The following TUG1 variants were observed in gnomAD, a reference collection of about 807,000 sequenced individuals.
The protein encoded by TUG1 is taurine upregulated gene 1.
intron 2 of TUG1, chr22:30,974,481 G>A (rs2041267125): frequency 6.6e-6 from 1 of 152,058 alleles, no homozygotes; most frequent in South Asian, 2.1e-4. Context: ...CTGCTCTAGA[G>A]CAGTATAACC....
exon 2 of TUG1, chr22:30,973,428 C>G (rs1426856955): frequency 6.6e-6 from 1 of 152,174 alleles, no homozygotes; most frequent in East Asian, 1.9e-4. Context: ...GGGATCAAAT[C>G]AAAGGCACAG....
At chr22:30,977,823 C>T (rs781008751) in exon 3 of TUG1, 4 of 152,174 alleles carry the variant, frequency 2.6e-5, no homozygotes, top group Non-Finnish European at 4.4e-5. Context: ...ACACCTCACC[C>T]ACTAGGACTC....
At chr22:30,970,173 G>A (rs968783012) in exon 1 of TUG1, 1 of 152,164 alleles carries the variant, frequency 6.6e-6, no homozygotes, top group African/African-American at 2.4e-5. Flanking sequence ...GCGGTTTGGG[G>A]GAATGATGGG....
At chr22:30,972,372 A>G (rs2041240589) in intron 1 of TUG1, 1 of 152,246 alleles carries the variant, frequency 6.6e-6, no homozygotes, top group East Asian at 1.9e-4. Context: ...ATTTTCTCCT[A>G]CTTAAGATGG....
intron 2 of TUG1, chr22:30,974,742 T>C (rs2041269465): frequency 6.6e-6 from 1 of 152,202 alleles, no homozygotes; most frequent in Admixed American, 6.5e-5. Context: ...CATTTAGCAA[T>C]ATACTTCTGT....
At chr22:30,976,039 C>G (rs987785577) in exon 3 of TUG1, 3 of 146,652 alleles carry the variant, frequency 2.0e-5, no homozygotes, top group Non-Finnish European at 4.5e-5. Context: ...CTACTGTTTC[C>G]AAGATAAATG....
At chr22:30,970,894 CA>C (rs2041222386) in exon 1 of TUG1, 1 of 152,182 alleles carries the variant, frequency 6.6e-6, no homozygotes, top group Admixed American at 6.5e-5. Flanking sequence ...TGCGGAACCT[CA>C]AAATCAGTAG....
exon 3 of TUG1, chr22:30,978,832 C>T (rs1457937601): frequency 6.6e-6 from 1 of 152,110 alleles, no homozygotes; most frequent in Non-Finnish European, 1.5e-5. Context: ...CAATAAATAC[C>T]CTTTTTTGCT....
chr22:30,972,804 T>G (rs1569211605), intron 1 of TUG1, 51 bp from the exon 2 acceptor site: 1 of 153,416 alleles, frequency 6.5e-6, no homozygotes, highest in Non-Finnish European at 1.5e-5. Flanking sequence ...GTCCTGTGTT[T>G]GTAATTCCAT....
intron 1 of TUG1, chr22:30,972,480 G>A (rs144537110): frequency 2.1e-4 from 32 of 152,250 alleles, no homozygotes; most frequent in African/African-American, 7.5e-4. Flanking sequence ...TGTCTCCTTT[G>A]TTTTATTGTT....
At chr22:30,976,034 G>C (rs1281608700) in exon 3 of TUG1, 1 of 141,602 alleles carries the variant, frequency 7.1e-6, no homozygotes, top group East Asian at 2.1e-4. Flanking sequence ...TTTAACTACT[G>C]TTTCCAAGAT....
exon 1 of TUG1, chr22:30,971,359 CTG>C (rs1204752605): frequency 3.3e-5 from 5 of 152,286 alleles, no homozygotes; most frequent in Admixed American, 2.6e-4. Flanking sequence ...AGACTTAAGA[CTG>C]TGGTGATAAG....
chr22:30,974,609 A>G (rs2041268469), intron 2 of TUG1: 1 of 152,156 alleles, frequency 6.6e-6, no homozygotes, highest in Non-Finnish European at 1.5e-5. Context: ...CTGTCATCTG[A>G]GAGTCTTGCA....
chr22:30,969,837 G>A (rs943052783), exon 1 of TUG1: 4 of 152,304 alleles, frequency 2.6e-5, no homozygotes, highest in African/African-American at 9.6e-5. Context: ...GGGAGCTCTG[G>A]CGGCAGCCCC....
At chr22:30,975,694 A>G (rs2041280655) in exon 3 of TUG1, 1 of 152,106 alleles carries the variant, frequency 6.6e-6, no homozygotes, top group African/African-American at 2.4e-5. Flanking sequence ...ACACTGACAG[A>G]CTCCCTTAAG....
chr22:30,976,480 G>A (rs745447319), exon 3 of TUG1: 14 of 152,082 alleles, frequency 9.2e-5, no homozygotes, highest in Admixed American at 2.0e-4. Context: ...GGATTTTATC[G>A]GTAGACTTAA....
rs1306055455 is a variant in TUG1 at position 30,977,910 on chromosome 22, G to GT, written c.*5436dup. The GT allele has an allele frequency of 2.6e-5, 4 of 152,164 alleles. No homozygotes were observed. In the East Asian group the frequency reaches 7.7e-4, roughly 29 times the overall value. 9.4% of individuals were successfully genotyped at this position (152,164 alleles called of 1,614,324 possible). A position where few individuals can be genotyped will look rare whatever the true frequency, so the allele number is the denominator to read the frequency against. On this transcript the variant is annotated 3_prime_UTR_variant, in exon 3 of 3. Coordinates refer to ENST00000644773, the Ensembl canonical transcript of TUG1. ...TTTTGAAGATATTTTTAAGTGCAGA[G>GT]TAGGCCTCTATTCCTGTATGTAATT...
chr22:30,973,972 C>T (rs2041258016), intron 2 of TUG1: 1 of 152,132 alleles, frequency 6.6e-6, no homozygotes, highest in South Asian at 2.1e-4. Flanking sequence ...GGTTTAAGGG[C>T]ATAATATCTC....
At chr22:30,975,372 A>G (rs1410571290) in exon 3 of TUG1, 1 of 152,176 alleles carries the variant, frequency 6.6e-6, no homozygotes, top group Admixed American at 6.5e-5. Flanking sequence ...ACTTCCTTAC[A>G]ACACCTTGAA....
Sources: allele counts gnomAD v4.1 joint callset, GRCh38; gene constraint gnomAD v4.1.1; transcripts MANE v1.5; gene names NCBI Gene and HGNC (gene_info 2026-07-23, HGNC 2026-07-21).